The following MMP2 variants were observed in gnomAD, a reference collection of about 807,000 sequenced individuals.
MMP2 encodes the protein 72 kDa type IV collagenase.
A neutral mutation model predicts 74.8 loss-of-function variants in MMP2; 39 were observed. The observed-to-expected ratio is 0.52, with a 90% CI of 0.40 to 0.68. The LOEUF (loss-of-function observed/expected upper bound fraction) is 0.68, where lower values mean the gene tolerates loss of function less well. Ranked by LOEUF, MMP2 falls within the 30% of genes least tolerant of loss-of-function variation. The pLI, the probability that MMP2 is intolerant of heterozygous loss-of-function variation, is 0.00. For synonymous variants in MMP2, 367 were observed against 339.8 expected (o/e 1.08, Z -0.88); for missense variants, 803 against 878.3 (o/e 0.91, Z 1.08).
chr16:55,500,854 CAG>C (rs1324890846), intron 11 of MMP2, among the ~76,000 whole-genome samples: 3 of 152,208 alleles, frequency 2.0e-5, no homozygotes, highest in Non-Finnish European at 4.4e-5. Context: ...CCCAGAGTGA[CAG>C]AGGCTGAGCA....
chr16:55,484,835 G>A lies in MMP2; in HGVS notation c.530-464G>A, dbSNP rs1283184037. Among the ~76,000 whole-genome samples, 4 of 152,174 alleles carry A rather than the reference G, an allele frequency of 2.6e-5. 1 individual carries two copies. In the South Asian group the frequency reaches 6.2e-4, roughly 24 times the overall value. The stretch of plus-strand genomic sequence containing the variant: ...GCAGGGGAAACAATGTAGACAAGTG[G>A]GTGGGTGGTACAGGCCTTGGTGACA... On this transcript the variant is annotated intron_variant, in intron 3 of 12. Coordinates refer to ENST00000219070, the MANE Select transcript of MMP2 (RefSeq NM_004530.6).
intron 10 of MMP2, among the ~76,000 whole-genome samples, chr16:55,497,896 C>T (rs183463103): frequency 6.6e-6 from 1 of 152,314 alleles, no homozygotes; most frequent in East Asian, 1.9e-4. Flanking sequence ...TCAGCCAAGA[C>T]TATTGTCTCC....
At chr16:55,501,265 G>T (rs1203288336) in intron 11 of MMP2, among the ~76,000 whole-genome samples, 1 of 152,216 alleles carries the variant, frequency 6.6e-6, no homozygotes, top group African/African-American at 2.4e-5. Flanking sequence ...TTCTACAGCT[G>T]CAGAGAAGTA....
At chr16:55,480,215 G>C (rs1234764704) in intron 1 of MMP2, among the ~76,000 whole-genome samples, 1 of 152,192 alleles carries the variant, frequency 6.6e-6, no homozygotes, top group African/African-American at 2.4e-5. Flanking sequence ...CTTCGGCACA[G>C]ATCCGGAGAG....
intron 8 of MMP2, 107 bp downstream of exon 8, chr16:55,492,063 G>A: frequency 8.9e-7 from 1 of 1,118,116 alleles, no homozygotes; most frequent in Non-Finnish European, 1.3e-6. Context: ...ATCCAGCCAG[G>A]AGTGCTGGAG....
intron 5 of MMP2, chr16:55,486,605 C>G (rs1347640373): frequency 6.6e-6 from 1 of 152,038 alleles, no homozygotes; most frequent in African/African-American, 2.4e-5. Flanking sequence ...TATTGACATA[C>G]ACACTCAATC....
intron 12 of MMP2, among the ~76,000 whole-genome samples, chr16:55,504,405 C>A (rs1404771363): frequency 6.6e-6 from 1 of 152,064 alleles, no homozygotes; most frequent in African/African-American, 2.4e-5. Context: ...TAGTTTGATG[C>A]TTGTGTTAAG....
intron 9 of MMP2, among the ~76,000 whole-genome samples, chr16:55,495,190 A>G (rs1212919026): frequency 6.6e-6 from 1 of 152,200 alleles, no homozygotes; most frequent in East Asian, 1.9e-4. Context: ...ATAACAGCAG[A>G]TGTCAGCACT....
chr16:55,483,537 C>T (rs112958299), intron 2 of MMP2, among the ~76,000 whole-genome samples: 7 of 152,154 alleles, frequency 4.6e-5, no homozygotes, highest in African/African-American at 1.4e-4. Context: ...GCAGAAGGAA[C>T]GTGATGATTG....
intron 1 of MMP2, chr16:55,481,848 G>C (rs17859853): frequency 2.6e-6 from 2 of 765,072 alleles, no homozygotes; most frequent in East Asian, 2.5e-5. Context: ...GGTTAAAAGA[G>C]AGGTAATCTT....
chr16:55,484,090 G>A lies in MMP2; in HGVS notation c.455G>A (p.Ser152Asn), dbSNP rs1235306827. Residue 152 changes from serine to asparagine, a missense_variant, in exon 3 of 13, where the codon AGC (serine) becomes AAC (asparagine). Ser to Asn is a conservative substitution (Grantham distance 46, BLOSUM62 1). Coordinates refer to ENST00000219070, the MANE Select transcript of MMP2 (RefSeq NM_004530.6). Reference sequence around the variant, plus strand: ...TTTGCTCGTGCCTTCCAAGTCTGGAGCGATGTGACCCCACTGCGGTTTTCT... The same window carrying A: ...TTTGCTCGTGCCTTCCAAGTCTGGAACGATGTGACCCCACTGCGGTTTTCT... ...DAFARAFQVW[S>N]DVTPLRFSRI... 2 of 1,614,102 alleles carry A rather than the reference G, an allele frequency of 1.2e-6. No homozygotes were observed. The highest frequency in any genetic ancestry group is 1.7e-5 in the Admixed American group (1 of 60,000).
At chr16:55,495,982 C>T (rs117298798) in intron 9 of MMP2, among the ~76,000 whole-genome samples, 4,559 of 152,242 alleles carry the variant, frequency 0.03, 106 homozygotes, top group East Asian at 0.1. Flanking sequence ...CTGTGTGTTC[C>T]GTCTTTACAC....
rs1226229333 is a variant in MMP2, at chr16:55,493,184, A to T, written c.1363A>T (p.Thr455Ser). The T allele has an allele frequency of 6.2e-7, 1 of 1,613,826 alleles. No homozygotes were observed. The highest frequency in any genetic ancestry group is 8.5e-7 in the Non-Finnish European group (1 of 1,180,012). Residue 455 changes from threonine to serine, a missense_variant, in exon 9 of 13, where the codon ACC (threonine) becomes TCC (serine). Thr to Ser is a moderately conservative substitution (Grantham distance 58). Transcript: ENST00000219070. ...YGASPDIDLGTGPTPTLGPVT... is the reference protein window; with the variant it reads ...YGASPDIDLGSGPTPTLGPVT... The stretch of plus-strand genomic sequence containing the variant: ...GGCCTCTCCTGACATTGACCTTGGC[A>T]CCGGCCCCACCCCCACGCTGGGCCC...
chr16:55,502,642 C>A (rs576632027), intron 11 of MMP2, 137 bp from the exon 12 acceptor site: 36 of 732,310 alleles, frequency 4.9e-5, no homozygotes, highest in South Asian at 4.2e-4. Flanking sequence ...TCCACTGCAG[C>A]TGGCTGCTTC....
Position 55,482,838 on chromosome 16 carries a change from A to G in MMP2, c.154-71A>G, listed in dbSNP as rs1404781134. ...GCACTGGGTTGGGGGGCTGATTGCT[A>G]CAGCCTGCTTTGGTCAGTACTGTGC... On this transcript the variant is annotated intron_variant, in intron 1 of 12. Transcript: ENST00000219070. 8 of 1,334,304 alleles carry G rather than the reference A, an allele frequency of 6.0e-6. No homozygotes were observed. In the South Asian group the frequency reaches 9.5e-5, roughly 16 times the overall value. 82.7% of individuals were successfully genotyped at this position (1,334,304 alleles called of 1,614,324 possible).
Position 55,502,721 on chromosome 16 carries a change from A to C in MMP2, c.1770-58A>C, listed in dbSNP as rs1555493443. The C allele has an allele frequency of 3.4e-6, 5 of 1,489,514 alleles. No individual in the cohort carries two copies. The East Asian group carries it at 9.0e-5, about 27-fold the overall frequency. 92.3% of individuals were successfully genotyped at this position (1,489,514 alleles called of 1,614,324 possible). ...TCAGCTGGGTGCTCCCATCCAGGCCAGGGGGGAAGTGTCCTTTAGAGAGGC... is the reference window on the plus strand; with the variant it reads ...TCAGCTGGGTGCTCCCATCCAGGCCCGGGGGGAAGTGTCCTTTAGAGAGGC... On this transcript the variant is annotated intron_variant, in intron 11 of 12. Transcript: ENST00000219070.
intron 1 of MMP2, among the ~76,000 whole-genome samples, chr16:55,480,881 A>G (rs1240173073): frequency 1.1e-4 from 16 of 152,048 alleles, no homozygotes; most frequent in South Asian, 2.1e-4. Flanking sequence ...TACTTTTTTC[A>G]AGGATCTGGA....
In MMP2 at chr16:55,479,372, T is replaced by A. The variant is rs1268038884; in HGVS notation, c.-108T>A. On this transcript the variant is annotated 5_prime_UTR_variant, in exon 1 of 13. Transcript: ENST00000219070. Reference sequence around the variant, plus strand: ...CCCAGGCCACCGAGCCAGCGGACCCTCGGAGCGCAGCCCTGCGCCGCGGAG... The same window carrying A: ...CCCAGGCCACCGAGCCAGCGGACCCACGGAGCGCAGCCCTGCGCCGCGGAG... 23 of 1,268,394 alleles carry A rather than the reference T, an allele frequency of 1.8e-5. No homozygotes were observed. Among genetic ancestry groups the A allele is most frequent in the Non-Finnish European group, 2.2e-5 (22 of 995,632 alleles). The allele number at this position is 1,268,394 out of a possible 1,614,324, so 78.6% of individuals were successfully genotyped here.
At chr16:55,485,907 G>T in intron 5 of MMP2, 130 bp downstream of exon 5, 1 of 931,850 alleles carries the variant, frequency 1.1e-6, no homozygotes, top group African/African-American at 1.6e-5. Flanking sequence ...TCCCTCCAAC[G>T]TCCTTCACTC....
Sources: gnomAD v4.1 joint callset for allele counts (sites outside exome capture counted in the v4.1 genomes callset) on GRCh38, gnomAD v4.1.1 for gene constraint, MANE v1.5 for transcripts, NCBI Gene and HGNC (gene_info 2026-07-23, HGNC 2026-07-21) for gene names.